The following WASL variants were observed in gnomAD, a reference collection of about 807,000 sequenced individuals.
The protein encoded by WASL is actin nucleation-promoting factor WASL.
A neutral mutation model predicts 55.5 loss-of-function variants in WASL; 20 were observed. That is an observed-to-expected ratio of 0.36 (90% CI 0.25 to 0.52). The LOEUF is 0.52. WASL is among the 20% of genes least tolerant of loss of function. WASL has a pLI of 0.92. For missense variants in WASL, 504 were observed against 622.5 expected (o/e 0.81, Z 2.03); for synonymous variants, 249 against 217.6 (o/e 1.14, Z -1.27).
intron 1 of WASL, among the ~76,000 whole-genome samples, chr7:123,737,369 G>C (rs1193616884): frequency 6.6e-6 from 1 of 152,000 alleles, no homozygotes; most frequent in African/African-American, 2.4e-5. Context: ...AGGCTAAGGT[G>C]GGCAGATAAC....
At chr7:123,705,801 C>G (rs570441315) in intron 4 of WASL, among the ~76,000 whole-genome samples, 18 of 152,220 alleles carry the variant, frequency 1.2e-4, no homozygotes, top group African/African-American at 4.3e-4. Flanking sequence ...AAAGACAAGG[C>G]AATGTTTACA....
chr7:123,726,866 AAATAATAAT>A (rs144632237), intron 1 of WASL, among the ~76,000 whole-genome samples: 1 of 151,228 alleles, frequency 6.6e-6, no homozygotes, highest in East Asian at 1.9e-4. Flanking sequence ...ACTTCATCTC[AAATAATAAT>A]AATAATAATA....
intron 1 of WASL, among the ~76,000 whole-genome samples, chr7:123,741,793 T>C (rs1804346493): frequency 1.3e-5 from 2 of 152,192 alleles, no homozygotes; most frequent in South Asian, 2.1e-4. Flanking sequence ...AAGACTAGAA[T>C]ACTGATACAC....
intron 1 of WASL, among the ~76,000 whole-genome samples, chr7:123,727,504 G>A (rs1804070841): frequency 6.6e-6 from 1 of 151,966 alleles, no homozygotes; most frequent in African/African-American, 2.4e-5. Context: ...CTGACCAGTT[G>A]ACTAATAAAA....
intron 5 of WASL, among the ~76,000 whole-genome samples, chr7:123,701,956 C>A (rs1291317818): frequency 5.2e-5 from 7 of 133,414 alleles, no homozygotes; most frequent in Non-Finnish European, 6.5e-5. Context: ...AAAAAAAAAA[C>A]CCTCCATTTA....
intron 6 of WASL, 123 bp from the exon 7 acceptor site, chr7:123,695,988 C>A (rs893475802): frequency 1.2e-5 from 9 of 768,724 alleles, no homozygotes; most frequent in Non-Finnish European, 1.9e-5. Context: ...ACAGTTCTCA[C>A]AGACATAACC....
chr7:123,748,622 C>T lies in WASL; in HGVS notation c.113G>A (p.Cys38Tyr). The change falls in exon 1 of 11, where the codon TGT becomes TAT. Residue 38 changes from cysteine (C) to tyrosine (Y), a missense_variant. Around this residue, in one of 5 missense-constraint regions of WASL, gnomAD observed 230 missense variants for 271.9 expected, o/e 0.85. Coordinates refer to ENST00000223023, the MANE Select transcript of WASL (RefSeq NM_003941.4). ...ACGCGGGTCTCGTCCACTGACCACACATTTCTTGCCGAGGAAAGTGAAGAG... is the reference window on the plus strand; with the variant it reads ...ACGCGGGTCTCGTCCACTGACCACATATTTCTTGCCGAGGAAAGTGAAGAG... ...ESLFTFLGKK[C>Y]VTMSSAVVQL... is the part of the protein sequence containing the mutation. 3.1e-6 allele frequency: 5 copies of T among 1,613,602 alleles called. No individual in the cohort carries two copies. The highest frequency in any genetic ancestry group is 4.2e-6 in the Non-Finnish European group (5 of 1,179,786).
intron 1 of WASL, among the ~76,000 whole-genome samples, chr7:123,734,309 A>C (rs1029275108): frequency 6.6e-6 from 1 of 152,192 alleles, no homozygotes; most frequent in African/African-American, 2.4e-5. Context: ...AACACACCCA[A>C]TAAAAAATCT....
intron 1 of WASL, among the ~76,000 whole-genome samples, chr7:123,713,486 C>T (rs1803791496): frequency 6.6e-6 from 1 of 152,084 alleles, no homozygotes; most frequent in African/African-American, 2.4e-5. Flanking sequence ...CCAAAATACA[C>T]TAAATGTGGG....
At chr7:123,726,984 T>C (rs1804055340) in intron 1 of WASL, among the ~76,000 whole-genome samples, 1 of 152,058 alleles carries the variant, frequency 6.6e-6, no homozygotes, top group Admixed American at 6.6e-5. Context: ...AAATCATTAA[T>C]AAAGAGCAAT....
In WASL at chr7:123,704,670, A is replaced by G. The variant is rs1258290411; in HGVS notation, c.437-13T>C. 1.4e-6 allele frequency: 2 copies of G among 1,432,898 alleles called. No individual in the cohort carries two copies. The highest frequency in any genetic ancestry group is 2.6e-5 in the South Asian group (2 of 78,386). 88.8% of individuals were successfully genotyped at this position (1,432,898 alleles called of 1,614,324 possible). On this transcript the variant is annotated splice_polypyrimidine_tract_variant and intron_variant, in intron 4 of 10. Transcript: ENST00000223023. ...TCTCGTCTTTTCTCTGTTAGAAAAT[A>G]AATTAGAAGAATATTATTAAATATA...
At chr7:123,721,475 T>C (rs371932042) in intron 1 of WASL, among the ~76,000 whole-genome samples, 12 of 152,124 alleles carry the variant, frequency 7.9e-5, no homozygotes, top group East Asian at 3.9e-4. Flanking sequence ...GGACTTAAAG[T>C]ACAACATTTG....
chr7:123,690,613 CTTTT>C (rs1272045755), intron 9 of WASL, among the ~76,000 whole-genome samples: 1 of 52,638 alleles, frequency 1.9e-5, no homozygotes, highest in Non-Finnish European at 4.2e-5. Context: ...TTTGCTGCTT[CTTTT>C]TTTTTTTTTG....
At chr7:123,688,223 C>T (rs1049459085) in intron 10 of WASL, among the ~76,000 whole-genome samples, 2 of 151,900 alleles carry the variant, frequency 1.3e-5, no homozygotes, top group African/African-American at 2.4e-5. Flanking sequence ...TTCAAATCAA[C>T]CTTTTAGAAA....
chr7:123,746,269 TCAATA>T (rs1804429593), intron 1 of WASL, among the ~76,000 whole-genome samples: 1 of 152,342 alleles, frequency 6.6e-6, no homozygotes, highest in Admixed American at 6.5e-5. Context: ...CAACATTTAT[TCAATA>T]CATGTTTGTT....
Position 123,689,032 on chromosome 7 carries a change from C to CTCTCTCTT in WASL, c.1456+9_1456+10insAAGAGAGA, listed in dbSNP as rs752902762. 2.5e-6 allele frequency: 4 copies of CTCTCTCTT among 1,589,902 alleles called. No homozygotes were observed. In the African/African-American group the frequency reaches 4.5e-5, roughly 18 times the overall value. The stretch of plus-strand genomic sequence containing the variant: ...TCTCTCTCTCTCTCTCTCTCTCTCT[C>CTCTCTCTT]TCTCTCTACCTGAAGAATGAATGGC... On this transcript the variant is annotated intron_variant, in intron 10 of 10. Transcript: ENST00000223023.
At chr7:123,720,559 T>C (rs1803927683) in intron 1 of WASL, among the ~76,000 whole-genome samples, 1 of 152,076 alleles carries the variant, frequency 6.6e-6, no homozygotes, top group South Asian at 2.1e-4. Flanking sequence ...AAAGGTTCTG[T>C]GTGTGGACAG....
At position 123,684,493 on chromosome 7, in the gene WASL, AT is replaced by A. The variant is rs762690383; in HGVS notation, c.*25del. On this transcript the variant is annotated 3_prime_UTR_variant, in exon 11 of 11. Coordinates refer to ENST00000223023, the MANE Select transcript of WASL (RefSeq NM_003941.4). ...TAGTGTTTAGTATTTCACCTTAAAAATATATATATATATATAATATATAGAT... is the reference window on the plus strand; with the variant it reads ...TAGTGTTTAGTATTTCACCTTAAAAAATATATATATATATAATATATAGAT... The A allele has an allele frequency of 4.7e-4, 36 of 76,150 alleles. No homozygotes were observed. Among genetic ancestry groups the A allele is most frequent in the South Asian group, 1.7e-3 (2 of 1,144 alleles). The allele number at this position is 76,150 out of a possible 1,614,324, so 4.7% of individuals were successfully genotyped here.
chr7:123,695,383 TA>T (rs1336643351), intron 7 of WASL, among the ~76,000 whole-genome samples: 1 of 152,140 alleles, frequency 6.6e-6, no homozygotes, highest in Non-Finnish European at 1.5e-5. Context: ...AAACGCTGAT[TA>T]ATTTTTGCCA....
Sources: gnomAD v4.1 joint callset for allele counts (sites outside exome capture counted in the v4.1 genomes callset) on GRCh38, gnomAD v4.1.1 for gene constraint, gnomAD v4.1.1 regional missense constraint, MANE v1.5 for transcripts, NCBI Gene and HGNC (gene_info 2026-07-23, HGNC 2026-07-21) for gene names.